Variants in NCK2 observed in about 807,000 individuals in gnomAD.
The protein encoded by NCK2 is cytoplasmic protein NCK2.
Under a neutral mutation model 33.9 loss-of-function variants are expected in NCK2, and 16 were observed. The ratio of observed to expected loss-of-function variants is 0.47; its 90% CI spans 0.32 to 0.72. The LOEUF (loss-of-function observed/expected upper bound fraction) is 0.72. Among genes scored for constraint, NCK2 ranks in the 30% least tolerant of loss-of-function variants. The probability of loss-of-function intolerance (pLI) is 0.03; values close to 1 mark genes in which losing one functional copy is unlikely to be tolerated. For missense variants in NCK2, 418 were observed against 537.3 expected, an observed-to-expected ratio of 0.78 and a Z score of 2.19; for synonymous variants, 273 against 239.9, an observed-to-expected ratio of 1.14 and a Z score of -1.27.
At chr2:105,791,933 T>C (rs919139863) in intron 1 of NCK2, among the ~76,000 whole-genome samples, 3 of 152,212 alleles carry the variant, frequency 2.0e-5, no homozygotes, top group African/African-American at 7.2e-5. Context: ...GTTTTTTCGA[T>C]GTTTTGAGTG....
intron 2 of NCK2, among the ~76,000 whole-genome samples, chr2:105,850,172 C>G (rs1319053457): frequency 1.3e-5 from 2 of 152,162 alleles, no homozygotes; most frequent in Non-Finnish European, 2.9e-5. Flanking sequence ...CCCTTAACTC[C>G]TTTCTTCTGT....
At chr2:105,758,865 A>G (rs1161123930) in intron 1 of NCK2, among the ~76,000 whole-genome samples, 1 of 152,220 alleles carries the variant, frequency 6.6e-6, no homozygotes, top group East Asian at 1.9e-4. Context: ...CAGGGTTTAC[A>G]TTTAAGCTTT....
intron 2 of NCK2, among the ~76,000 whole-genome samples, chr2:105,828,842 C>G (rs1394384318): frequency 6.6e-6 from 1 of 152,240 alleles, no homozygotes. Flanking sequence ...CCAGTGGCCA[C>G]TGTCTGAAAT....
At chr2:105,815,662 T>G (rs1370857477) in intron 1 of NCK2, among the ~76,000 whole-genome samples, 1 of 152,100 alleles carries the variant, frequency 6.6e-6, no homozygotes. Context: ...TTCCTTCTAG[T>G]TTTGGAGTGT....
chr2:105,744,715 G>C (rs1196982948), upstream of NCK2, among the ~76,000 whole-genome samples: 1 of 151,198 alleles, frequency 6.6e-6, no homozygotes, highest in East Asian at 1.9e-4. Context: ...GCCTGGCGAC[G>C]ACGGGGGGCG....
intron 3 of NCK2, among the ~76,000 whole-genome samples, chr2:105,857,473 A>G (rs765493654): frequency 4.6e-5 from 7 of 152,230 alleles, no homozygotes; most frequent in Non-Finnish European, 5.9e-5. Flanking sequence ...ACATTTCTTT[A>G]ACTTTCTTCC....
At chr2:105,793,515 T>C (rs1690967350) in intron 1 of NCK2, among the ~76,000 whole-genome samples, 1 of 152,234 alleles carries the variant, frequency 6.6e-6, no homozygotes, top group Non-Finnish European at 1.5e-5. Context: ...CTAGGTCATG[T>C]AGGCATTGCA....
intron 1 of NCK2, among the ~76,000 whole-genome samples, chr2:105,780,323 TATACACACAC>T (rs1196918302): frequency 9.7e-6 from 1 of 102,696 alleles, no homozygotes; most frequent in African/African-American, 6.5e-5. Flanking sequence ...GAGAGAGATA[TATACACACAC>T]ACACACACAC....
At chr2:105,745,363 C>A (rs1023493271) in intron 1 of NCK2, among the ~76,000 whole-genome samples, 1 of 151,818 alleles carries the variant, frequency 6.6e-6, no homozygotes, top group Non-Finnish European at 1.5e-5. Flanking sequence ...CCCGCCTTCC[C>A]ATCCCTAACC....
chr2:105,891,876 G>T (rs915397706), intron 4 of NCK2, among the ~76,000 whole-genome samples: 1 of 152,084 alleles, frequency 6.6e-6, no homozygotes, highest in Non-Finnish European at 1.5e-5. Flanking sequence ...TTAAAATAAT[G>T]ACATGTTTCT....
chr2:105,864,363 A>G (rs1458527967), intron 3 of NCK2, among the ~76,000 whole-genome samples: 1 of 152,030 alleles, frequency 6.6e-6, no homozygotes, highest in Non-Finnish European at 1.5e-5. Context: ...TTTGAAGGAA[A>G]ACCCCTAGGA....
chr2:105,835,449 T>A (rs1304776217), intron 2 of NCK2, among the ~76,000 whole-genome samples: 1 of 41,324 alleles, frequency 2.4e-5, no homozygotes, highest in Non-Finnish European at 5.3e-5. Flanking sequence ...GCATTTTGAA[T>A]ATATCATAGT....
At chr2:105,760,782 T>G (rs1261650253) in intron 1 of NCK2, among the ~76,000 whole-genome samples, 1 of 152,030 alleles carries the variant, frequency 6.6e-6, no homozygotes, top group African/African-American at 2.4e-5. Context: ...AAAATGGTTT[T>G]GTCACATGTG....
chr2:105,886,631 T>A (rs1242476528), intron 4 of NCK2, among the ~76,000 whole-genome samples: 1 of 152,218 alleles, frequency 6.6e-6, no homozygotes, highest in African/African-American at 2.4e-5. Flanking sequence ...TACTGTTGTG[T>A]AATATGGTAA....
chr2:105,763,040 A>G (rs902662444), intron 1 of NCK2, among the ~76,000 whole-genome samples: 1 of 152,148 alleles, frequency 6.6e-6, no homozygotes, highest in Non-Finnish European at 1.5e-5. Context: ...ACTAAAGAAT[A>G]CAAAAGAATT....
At chr2:105,775,520 T>C (rs1027584413) in intron 1 of NCK2, among the ~76,000 whole-genome samples, 1 of 152,236 alleles carries the variant, frequency 6.6e-6, no homozygotes, top group Admixed American at 6.5e-5. Flanking sequence ...TTGTAGCACA[T>C]TGATGTGTTC....
intron 1 of NCK2, among the ~76,000 whole-genome samples, chr2:105,799,270 TA>T (rs34629499): frequency 6.0e-5 from 9 of 149,438 alleles, no homozygotes; most frequent in African/African-American, 7.4e-5. Context: ...GTCCTAGGTT[TA>T]AAAAAAAAAA....
intron 2 of NCK2, among the ~76,000 whole-genome samples, chr2:105,817,318 C>T (rs951942572): frequency 2.6e-5 from 4 of 152,196 alleles, no homozygotes; most frequent in Non-Finnish European, 5.9e-5. Context: ...TTCTGGGACC[C>T]AGTGGTGCTA....
At chr2:105,851,003 G>T (rs182897847) in intron 2 of NCK2, among the ~76,000 whole-genome samples, 76 of 152,266 alleles carry the variant, frequency 5.0e-4, no homozygotes, top group African/African-American at 1.7e-3. Flanking sequence ...CCTCCAGATG[G>T]GCTTCCAGCC....
Sources: gnomAD v4.1 joint callset for allele counts (sites outside exome capture counted in the v4.1 genomes callset) on GRCh38, gnomAD v4.1.1 for gene constraint, MANE v1.5 for transcripts, NCBI Gene and HGNC (gene_info 2026-07-23, HGNC 2026-07-21) for gene names.